Variants in CARMIL2 observed in about 807,000 individuals in gnomAD.
CARMIL2 encodes the protein capping protein, Arp2/3 and myosin-I linker protein 2.
CARMIL2 carries 96 observed loss-of-function variants against 173.3 expected under a neutral mutation model. The observed-to-expected ratio is 0.55, with a 90% CI of 0.47 to 0.66. The LOEUF (loss-of-function observed/expected upper bound fraction) is 0.66. Ranked by LOEUF, CARMIL2 falls within the 30% of genes least tolerant of loss-of-function variation. The pLI, the probability that CARMIL2 is intolerant of heterozygous loss-of-function variation, is 0.00. For missense variants in CARMIL2, 1,771 were observed against 1,906.7 expected, an observed-to-expected ratio of 0.93 and a Z score of 1.33; for synonymous variants, 830 against 817.1, an observed-to-expected ratio of 1.02 and a Z score of -0.27.
Position 67,647,350 on chromosome 16 carries a change from C to A in CARMIL2, c.739C>A (p.Leu247Met). The change falls in exon 10 of 38, where the codon CTG becomes ATG. Residue 247 changes from leucine (L) to methionine (M), a missense_variant. Around this residue, in one of 3 missense-constraint regions of CARMIL2, gnomAD observed 944 missense variants for 975.6 expected, o/e 0.97. Transcript: ENST00000334583. ...GCACATGATGAGTCAGTCATCACAC[C>A]TGGAGGAGCTGGTGCTGGAGACCTG... The part of the protein sequence containing the change: ...ILHMMSQSSH[L>M]EELVLETCSL... 1 of 1,585,234 alleles carries A rather than the reference C, an allele frequency of 6.3e-7. No homozygotes were observed. The highest frequency in any genetic ancestry group is 8.6e-7 in the Non-Finnish European group (1 of 1,165,722).
In CARMIL2 at chr16:67,654,709, G is replaced by C. The variant is rs763012048; in HGVS notation, c.3582+17G>C. 1.2e-5 allele frequency: 20 copies of C among 1,601,134 alleles called. No individual in the cohort carries two copies. The highest frequency in any genetic ancestry group is 1.5e-5 in the Non-Finnish European group (18 of 1,172,892). On this transcript the variant is annotated intron_variant, in intron 31 of 37. Coordinates refer to ENST00000334583, the MANE Select transcript of CARMIL2 (RefSeq NM_001013838.3). ...CCCGACAAGGTGAGGCTTGCTGATG[G>C]GGGGTGGTGAAGGCGCTTCTGGGAC... is the stretch of plus-strand genomic sequence containing the variant.
chr16:67,647,774 G>A lies in CARMIL2; in HGVS notation c.958+8G>A. 1 of 1,337,062 alleles carries A rather than the reference G, an allele frequency of 7.5e-7. No individual in the cohort carries two copies. Among genetic ancestry groups the A allele is most frequent in the Non-Finnish European group, 1.0e-6 (1 of 971,116 alleles). 82.8% of individuals were successfully genotyped at this position (1,337,062 alleles called of 1,614,324 possible). ...CAGGGTTGACACCGCGAGGTAGGCT[G>A]GATGAGGGAGGGGGTGAGGGGAGGG... is the stretch of plus-strand genomic sequence containing the variant. On this transcript the variant is annotated splice_region_variant and intron_variant, in intron 12 of 37. Transcript: ENST00000334583.
Position 67,649,180 on chromosome 16 carries a change from C to A in CARMIL2, c.1688+8C>A. 1 of 1,613,220 alleles carries A rather than the reference C, an allele frequency of 6.2e-7. No individual in the cohort carries two copies. Among genetic ancestry groups the A allele is most frequent in the Non-Finnish European group, 8.5e-7 (1 of 1,179,610 alleles). On this transcript the variant is annotated splice_region_variant and intron_variant, in intron 18 of 37. Coordinates refer to ENST00000334583, the MANE Select transcript of CARMIL2 (RefSeq NM_001013838.3). This position sits in a 1 kb window ranked among gnomAD's most constrained non-coding sequence, Gnocchi z 6.7. ...CTTCAACGTCCGGTGCAAGTGAGCC[C>A]CCACCCTACTCCTGGGCCTCCCAGA...
In CARMIL2 at chr16:67,653,395, T is replaced by G; in HGVS notation, c.3120+141T>G. ...TGGTCGTGCGGCCGCGGTCACATCC[T>G]GGCTTCTTCCTGACCACCCCCCACC... On this transcript the variant is annotated intron_variant, in intron 29 of 37. Coordinates refer to ENST00000334583, the MANE Select transcript of CARMIL2 (RefSeq NM_001013838.3). The surrounding 1 kb of genome is among the most constrained non-coding windows in gnomAD (Gnocchi z 7.4). The G allele has an allele frequency of 4.2e-6, 1 of 238,394 alleles. No homozygotes were observed. The highest frequency in any genetic ancestry group is 7.5e-6 in the Non-Finnish European group (1 of 133,456). 14.8% of individuals were successfully genotyped at this position (238,394 alleles called of 1,614,324 possible). A position where few individuals can be genotyped will look rare whatever the true frequency, so the allele number is the denominator to read the frequency against.
intron 1 of CARMIL2, 41 bp from the exon 2 acceptor site, chr16:67,645,499 G>A (rs1293267424): frequency 6.5e-7 from 1 of 1,531,442 alleles, no homozygotes; most frequent in Non-Finnish European, 8.9e-7. Flanking sequence ...AGTGGCTTCT[G>A]TGCAAGGACT....
rs1321697978 is a variant in CARMIL2, at chr16:67,651,042, C to T, written c.2185-145C>T. 1 of 866,274 alleles carries T rather than the reference C, an allele frequency of 1.2e-6. No individual in the cohort carries two copies. The highest frequency in any genetic ancestry group is 1.7e-6 in the Non-Finnish European group (1 of 572,204). 53.7% of individuals were successfully genotyped at this position (866,274 alleles called of 1,614,324 possible). On this transcript the variant is annotated intron_variant, in intron 22 of 37. Transcript: ENST00000334583. This position sits in a 1 kb window ranked among gnomAD's most constrained non-coding sequence, Gnocchi z 4.2. ...CAAAGCAACAGATAGTTCCTTCCCT[C>T]CTTGAACAGATAGGGTTCCAAAGTG...
chr16:67,654,284 G>A (rs764572968), intron 30 of CARMIL2, 35 bp downstream of exon 30: 11 of 1,575,382 alleles, frequency 7.0e-6, no homozygotes, highest in Non-Finnish European at 9.5e-6. Flanking sequence ...GTGGGAGAGG[G>A]TGGGATGCCT....
chr16:67,653,248 C>G lies in CARMIL2; in HGVS notation c.3114C>G (p.Gly1038=), dbSNP rs930316619. ...RQHHHRPPPG[G]PQVPPALPQE... ...ACCACCACCGCCCGCCGCCGGGGGG[C>G]CCCCAGGTGAGCACCCTTCCCCCAC... The change falls in exon 29 of 38, where the codon GGC becomes GGG. Residue 1038 remains glycine (G), a synonymous_variant. Coordinates refer to ENST00000334583, the MANE Select transcript of CARMIL2 (RefSeq NM_001013838.3). The surrounding 1 kb of genome is among the most constrained non-coding windows in gnomAD (Gnocchi z 7.4). The G allele has an allele frequency of 8.8e-7, 1 of 1,133,990 alleles. No homozygotes were observed. The highest frequency in any genetic ancestry group is 1.6e-5 in the African/African-American group (1 of 61,298). The allele number at this position is 1,133,990 out of a possible 1,614,324, so 70.2% of individuals were successfully genotyped here.
chr16:67,655,011 T>C, intron 32 of CARMIL2, 111 bp downstream of exon 32: 2 of 1,382,636 alleles, frequency 1.4e-6, no homozygotes, highest in South Asian at 1.4e-5. Context: ...TTGTCAGTTC[T>C]ACTCCATTCT....
intron 32 of CARMIL2, among the ~76,000 whole-genome samples, chr16:67,655,492 G>A (rs1164722646): frequency 1.3e-5 from 2 of 152,152 alleles, no homozygotes; most frequent in African/African-American, 4.8e-5. Context: ...AGTCCTCCAG[G>A]GGCTTCCTCT....
At position 67,645,549 on chromosome 16, in the gene CARMIL2, C is replaced by G. The variant is rs762181820; in HGVS notation, c.50C>G (p.Thr17Ser). The change falls in exon 2 of 38, where the codon ACC (threonine) becomes AGC (serine). Residue 17 changes from threonine to serine, a missense_variant. By Grantham distance (58) the Thr-to-Ser change is moderately conservative. This residue lies in a region of CARMIL2 where 944 missense variants were observed against 975.6 expected (regional missense o/e 0.97). Transcript: ENST00000334583. ...GISCELRGEI[T>S]RFLWPKEVEL... ...GGCTGCCCTTCCACAGGCGAGATCA[C>G]CAGGTTCCTGTGGCCCAAAGAGGTG... is the stretch of plus-strand genomic sequence containing the variant. 2.5e-6 allele frequency: 4 copies of G among 1,604,274 alleles called. No individual in the cohort carries two copies. In the East Asian group the frequency reaches 6.8e-5, roughly 27 times the overall value.
chr16:67,650,413 C>G (rs972353287), intron 22 of CARMIL2: 5 of 545,266 alleles, frequency 9.2e-6, no homozygotes, highest in Middle Eastern at 4.9e-4. Context: ...CCTCAATTTT[C>G]CCCCAATTGT....
In CARMIL2 at chr16:67,646,118, G is replaced by T. The variant is rs773463675; in HGVS notation, c.249+38G>T. Reference sequence around the variant, plus strand: ...GTACCCTACCTGGGCCTGCAGCCTGGTCTTCATGCTACCACCATCACCTGC... The same window carrying T: ...GTACCCTACCTGGGCCTGCAGCCTGTTCTTCATGCTACCACCATCACCTGC... On this transcript the variant is annotated intron_variant, in intron 4 of 37. Coordinates refer to ENST00000334583, the MANE Select transcript of CARMIL2 (RefSeq NM_001013838.3). This position sits in a 1 kb window ranked among gnomAD's most constrained non-coding sequence, Gnocchi z 4.6. The T allele has an allele frequency of 6.2e-7, 1 of 1,613,824 alleles. No individual in the cohort carries two copies. Among genetic ancestry groups the T allele is most frequent in the Non-Finnish European group, 8.5e-7 (1 of 1,179,874 alleles).
chr16:67,656,357 T>C, intron 34 of CARMIL2, 58 bp downstream of exon 34: 1 of 1,610,986 alleles, frequency 6.2e-7, no homozygotes, highest in African/African-American at 1.3e-5. Flanking sequence ...AGGAGTTGGG[T>C]CAGACTGTTG....
In CARMIL2 at chr16:67,654,762, G is replaced by T. The variant is rs768440543; in HGVS notation, c.3583-16G>T. 27 of 1,612,888 alleles carry T rather than the reference G, an allele frequency of 1.7e-5. No homozygotes were observed. The highest frequency in any genetic ancestry group is 2.3e-5 in the Non-Finnish European group (27 of 1,179,660). On this transcript the variant is annotated splice_polypyrimidine_tract_variant and intron_variant, in intron 31 of 37. Coordinates refer to ENST00000334583, the MANE Select transcript of CARMIL2 (RefSeq NM_001013838.3). ...AGGGCGCGGACTGTCTCCAACTCGAGCATCTCTGTCCCTAGCGGCGGCCCC... is the reference window on the plus strand; with the variant it reads ...AGGGCGCGGACTGTCTCCAACTCGATCATCTCTGTCCCTAGCGGCGGCCCC...
Position 67,646,328 on chromosome 16 carries a change from C to T in CARMIL2, c.374+18C>T, listed in dbSNP as rs377677558. ...ACCCTTGGGTGAGGCCTGGCAAATTCGAGGGGCTGGCAGGGGAGGAGGGAG... is the reference window on the plus strand; with the variant it reads ...ACCCTTGGGTGAGGCCTGGCAAATTTGAGGGGCTGGCAGGGGAGGAGGGAG... On this transcript the variant is annotated intron_variant, in intron 5 of 37. Transcript: ENST00000334583. This position sits in a 1 kb window ranked among gnomAD's most constrained non-coding sequence, Gnocchi z 4.6. The T allele has an allele frequency of 2.9e-5, 47 of 1,610,876 alleles. No homozygotes were observed. The highest frequency in any genetic ancestry group is 3.7e-5 in the Non-Finnish European group (44 of 1,178,060).
In CARMIL2 at chr16:67,646,392, G is replaced by T; in HGVS notation, c.375-34G>T. The T allele has an allele frequency of 6.2e-7, 1 of 1,608,416 alleles. No homozygotes were observed. The highest frequency in any genetic ancestry group is 8.5e-7 in the Non-Finnish European group (1 of 1,176,286). On this transcript the variant is annotated intron_variant, in intron 5 of 37. Coordinates refer to ENST00000334583, the MANE Select transcript of CARMIL2 (RefSeq NM_001013838.3). This position sits in a 1 kb window ranked among gnomAD's most constrained non-coding sequence, Gnocchi z 4.6. Reference sequence around the variant, plus strand: ...CTGCTTCCCATCCCAGAGGCTGGAAGTCCTTTGCCCCCTTCTCCTTAACCC... The same window carrying T: ...CTGCTTCCCATCCCAGAGGCTGGAATTCCTTTGCCCCCTTCTCCTTAACCC...
chr16:67,647,866 G>A lies in CARMIL2; in HGVS notation c.979G>A (p.Ala327Thr). Residue 327 changes from alanine to threonine, a missense_variant, in exon 13 of 38, where the codon GCA (alanine) becomes ACA (threonine). Ala to Thr is a moderately conservative substitution (Grantham distance 58). Transcript: ENST00000334583. The part of the protein sequence containing the change: ...TPRGMRALGR[A>T]LATNAAFDST... ...ACCAGGAATGAGGGCTCTGGGCCGG[G>A]CACTGGCCACCAATGCCGCCTTCGA... 8.1e-6 allele frequency: 13 copies of A among 1,610,228 alleles called. No homozygotes were observed. Among genetic ancestry groups the A allele is most frequent in the South Asian group, 1.1e-5 (1 of 90,586 alleles).
At chr16:67,656,956 G>A in intron 36 of CARMIL2, 75 bp downstream of exon 36, 4 of 1,251,578 alleles carry the variant, frequency 3.2e-6, no homozygotes, top group Non-Finnish European at 4.4e-6. Context: ...TCCCTTCATA[G>A]CTTTGGTCCT....
Sources: allele counts gnomAD v4.1 joint callset (sites outside exome capture counted in the v4.1 genomes callset), GRCh38; gene constraint gnomAD v4.1.1; regional missense constraint gnomAD v4.1.1; non-coding constraint Gnocchi (gnomAD v3.1); transcripts MANE v1.5; gene names NCBI Gene and HGNC (gene_info 2026-07-23, HGNC 2026-07-21).